The following TOP1MT variants were observed in gnomAD, a reference collection of about 807,000 sequenced individuals.
TOP1MT encodes DNA topoisomerase I mitochondrial.
In TOP1MT, 80 loss-of-function variants were observed where a neutral mutation model predicts 73.9. The ratio of observed to expected loss-of-function variants is 1.08; its 90% CI spans 0.90 to 1.30. The LOEUF is 1.30. Among genes scored for constraint, TOP1MT ranks in the 50% most tolerant of loss-of-function variants. The pLI is 0.00. For synonymous variants in TOP1MT, 338 were observed against 326.4 expected, an observed-to-expected ratio of 1.04 and a Z score of -0.38; for missense variants, 815 against 808.0, an observed-to-expected ratio of 1.01 and a Z score of -0.10.
In TOP1MT at chr8:143,321,387, C is replaced by A. The variant is rs775390508; in HGVS notation, c.961-1G>T. On this transcript the variant is annotated splice_acceptor_variant, in intron 7 of 13. Coordinates refer to ENST00000329245, the MANE Select transcript of TOP1MT (RefSeq NM_052963.3). LOFTEE classifies it high-confidence loss of function. ...TCTCATTTCCTGCTCTCAGTGCCAG[C>A]TAGTTGGTGGGGAATGGTCAAAGTG... 1.3e-6 allele frequency: 2 copies of A among 1,579,114 alleles called. No homozygotes were observed. The highest frequency in any genetic ancestry group is 1.7e-6 in the Non-Finnish European group (2 of 1,156,502).
chr8:143,313,918 C>T (rs2129882634), intron 12 of TOP1MT, among the ~76,000 whole-genome samples: 1 of 151,698 alleles, frequency 6.6e-6, no homozygotes, highest in East Asian at 1.9e-4. Context: ...CATCGACGAG[C>T]TCTTACAAGT....
At chr8:143,357,012 T>A (rs932712173), upstream of TOP1MT, among the ~76,000 whole-genome samples, 3 of 147,564 alleles carry the variant, frequency 2.0e-5, no homozygotes, top group African/African-American at 7.6e-5. Flanking sequence ...GAGAATGGTA[T>A]GAACCCGAGA....
Position 143,324,233 on chromosome 8 carries a change from C to A in TOP1MT, c.817-91G>T, listed in dbSNP as rs1816641803. ...AACTCTCCCTCCCCCAAACCTCGTGCTTCTCCACTCAGTGGTGCCGTGGTC... is the reference window on the plus strand; with the variant it reads ...AACTCTCCCTCCCCCAAACCTCGTGATTCTCCACTCAGTGGTGCCGTGGTC... On this transcript the variant is annotated intron_variant, in intron 6 of 13. Transcript: ENST00000329245. The A allele has an allele frequency of 5.8e-6, 9 of 1,542,194 alleles. No homozygotes were observed. The Admixed American group carries it at 1.6e-4, about 27-fold the overall frequency.
rs1243295991 is a variant in TOP1MT, at chr8:143,322,856, ACACACGCACGC to A, written c.960+1132_960+1142del. ...CACGCACACCACACACGCACGCAAC[ACACACGCACGC>A]CACACGCACGCAACACACGCACGCC... On this transcript the variant is annotated intron_variant, in intron 7 of 13. Coordinates refer to ENST00000329245, the MANE Select transcript of TOP1MT (RefSeq NM_052963.3). 1.0e-3 allele frequency among the ~76,000 whole-genome samples: 47 copies of A among 46,412 alleles called. 1 individual carries two copies. Among genetic ancestry groups the A allele is most frequent in the African/African-American group, 2.5e-3 (46 of 18,078 alleles). 30.4% of individuals were successfully genotyped at this position (46,412 alleles called of 152,430 possible). A position where few individuals can be genotyped will look rare whatever the true frequency, so the allele number is the denominator to read the frequency against.
intron 1 of TOP1MT, among the ~76,000 whole-genome samples, chr8:143,350,854 C>A (rs577581126): frequency 6.6e-6 from 1 of 152,228 alleles, no homozygotes; most frequent in South Asian, 2.1e-4. Context: ...CAAGCACATG[C>A]AGAATTATAA....
rs747979559 is a variant in TOP1MT, at chr8:143,331,329, CCTT to C, written c.130_132del (p.Lys44del). On this transcript the variant is annotated inframe_deletion, in exon 2 of 14. Transcript: ENST00000329245. ...CACTTCACCCCGTCTTCGTGCTTCT[CCTT>C]CTCCCACCTAAAGACGGAGACAGGA... 6 of 1,611,590 alleles carry C rather than the reference CCTT, an allele frequency of 3.7e-6. No homozygotes were observed. The highest frequency in any genetic ancestry group is 2.7e-5 in the African/African-American group (2 of 75,034).
chr8:143,315,658 C>G lies in TOP1MT; in HGVS notation c.1553+69G>C, dbSNP rs1279595778. On this transcript the variant is annotated intron_variant, in intron 12 of 13. Transcript: ENST00000329245. ...CAACAAGGGTCGTCTCCCACCGACC[C>G]TGTGGGGCTGGACCCTACGGGTTGG... The G allele has an allele frequency of 5.5e-6, 7 of 1,265,402 alleles. No individual in the cohort carries two copies. The African/African-American group carries it at 1.0e-4, about 19-fold the overall frequency. The allele number at this position is 1,265,402 out of a possible 1,614,324, so 78.4% of individuals were successfully genotyped here. A position where few individuals can be genotyped will look rare whatever the true frequency, so the allele number is the denominator to read the frequency against.
At chr8:143,326,490 C>T (rs1244233211) in intron 3 of TOP1MT, 146 bp from the exon 4 acceptor site, 11 of 1,057,698 alleles carry the variant, frequency 1.0e-5, no homozygotes, top group Admixed American at 2.2e-5. Flanking sequence ...CACGGTCCTG[C>T]GGCCCCGTAA....
At chr8:143,311,060 G>A (rs997773019) in intron 12 of TOP1MT, among the ~76,000 whole-genome samples, 3 of 147,984 alleles carry the variant, frequency 2.0e-5, no homozygotes, top group African/African-American at 7.4e-5. Flanking sequence ...CCGGGTTCAA[G>A]TGAATCTCCT....
intron 1 of TOP1MT, among the ~76,000 whole-genome samples, chr8:143,353,874 G>A (rs1456310236): frequency 6.8e-6 from 1 of 147,230 alleles, no homozygotes; most frequent in African/African-American, 2.5e-5. Flanking sequence ...TGAGGCAGGA[G>A]GATCGCTTGA....
rs548040596 is a variant in TOP1MT, at chr8:143,329,373, T to A, written c.337A>T (p.Asn113Tyr). The A allele has an allele frequency of 2.7e-5, 43 of 1,608,180 alleles. No homozygotes were observed. In the South Asian group the frequency reaches 4.3e-4, roughly 16 times the overall value. ...ACCTTTCGCCAGTCATTGAAGAAGTTCTTCCGGAAAACCTCCTTTGTTGTG... is the reference window on the plus strand; with the variant it reads ...ACCTTTCGCCAGTCATTGAAGAAGTACTTCCGGAAAACCTCCTTTGTTGTG... ...EYTTKEVFRK[N>Y]FFNDWRKEMA... Residue 113 changes from asparagine (N) to tyrosine (Y), a missense_variant, in exon 3 of 14, where the codon AAC becomes TAC. Physicochemically the swap from Asn to Tyr is moderately radical, Grantham distance 143. Around this residue, in one of 3 missense-constraint regions of TOP1MT, gnomAD observed 751 missense variants for 725.4 expected, o/e 1.04. Coordinates refer to ENST00000329245, the MANE Select transcript of TOP1MT (RefSeq NM_052963.3).
intron 7 of TOP1MT, among the ~76,000 whole-genome samples, chr8:143,322,496 CCA>C (rs1256421043): frequency 1.2e-4 from 15 of 128,372 alleles, no homozygotes; most frequent in Non-Finnish European, 1.8e-4. Context: ...CACACGCACG[CCA>C]CACACACAGG....
chr8:143,317,492 C>T (rs950523832), intron 10 of TOP1MT, among the ~76,000 whole-genome samples: 1 of 152,190 alleles, frequency 6.6e-6, no homozygotes, highest in Non-Finnish European at 1.5e-5. Context: ...GGGGCCGCCC[C>T]GCAGGGAGAA....
intron 8 of TOP1MT, 151 bp from the exon 9 acceptor site, chr8:143,318,237 C>T (rs1401974820): frequency 4.6e-6 from 3 of 651,538 alleles, no homozygotes; most frequent in African/African-American, 1.8e-5. Flanking sequence ...GGCATCCTCC[C>T]GTGACACGGC....
chr8:143,339,490 G>A (rs537390075), upstream of TOP1MT, among the ~76,000 whole-genome samples: 23 of 152,270 alleles, frequency 1.5e-4, no homozygotes, highest in Admixed American at 1.2e-3. Flanking sequence ...AATGGACATA[G>A]CAGTACCTAC....
rs772568350 is a variant in TOP1MT at position 143,329,347 on chromosome 8, T to C, written c.360+3A>G. The stretch of plus-strand genomic sequence containing the variant: ...AGCTGTGGCGGCCGCCCAGGGTACC[T>C]ACCTTTCGCCAGTCATTGAAGAAGT... On this transcript the variant is annotated splice_donor_region_variant and intron_variant, in intron 3 of 13. Coordinates refer to ENST00000329245, the MANE Select transcript of TOP1MT (RefSeq NM_052963.3). 4.4e-6 allele frequency: 7 copies of C among 1,603,198 alleles called. No homozygotes were observed. Among genetic ancestry groups the C allele is most frequent in the African/African-American group, 1.3e-5 (1 of 74,076 alleles).
At position 143,324,114 on chromosome 8, in the gene TOP1MT, GT is replaced by G. The variant is rs1393134409; in HGVS notation, c.844del (p.Thr282GlnfsTer25). The part of the protein sequence containing the change: ...KGETAWQKFE[T>X]ARRLRGFVDE... ...CACAAATCCCCGCAGGCGTCGAGCT[GT>G]TTCAAACTTCTGCCAAGCTGTCTCC... On this transcript the variant is annotated frameshift_variant, in exon 7 of 14. Transcript: ENST00000329245. LOFTEE classifies it high-confidence loss of function. 6.2e-7 allele frequency: 1 copy of G among 1,613,832 alleles called. No homozygotes were observed. Among genetic ancestry groups the G allele is most frequent in the Non-Finnish European group, 8.5e-7 (1 of 1,180,032 alleles).
chr8:143,317,907 A>G (rs1244203605), intron 9 of TOP1MT, 70 bp from the exon 10 acceptor site: 1 of 1,595,166 alleles, frequency 6.3e-7, no homozygotes, highest in Non-Finnish European at 8.6e-7. Context: ...CGGGAAGGAA[A>G]GGACATGTCA....
At chr8:143,326,510 C>T (rs1816713612) in intron 3 of TOP1MT, among the ~76,000 whole-genome samples, 166 bp from the exon 4 acceptor site, 1 of 152,238 alleles carries the variant, frequency 6.6e-6, no homozygotes, top group African/African-American at 2.4e-5. Context: ...AATAGAGCCT[C>T]TCCCCGCAGA....
Sources: allele counts gnomAD v4.1 joint callset (sites outside exome capture counted in the v4.1 genomes callset), GRCh38; gene constraint gnomAD v4.1.1; regional missense constraint gnomAD v4.1.1; transcripts MANE v1.5; gene names NCBI Gene and HGNC (gene_info 2026-07-23, HGNC 2026-07-21).